ZBBX: variants seen among roughly 807,000 people sequenced by gnomAD.
The protein encoded by ZBBX is zinc finger B-box domain-containing protein 1.
ZBBX carries 101 observed loss-of-function variants against 108.5 expected under a neutral mutation model. The ratio of observed to expected loss-of-function variants is 0.93; its 90% CI spans 0.79 to 1.10. The LOEUF is 1.10. ZBBX is among the 50% of genes least tolerant of loss of function. ZBBX has a pLI of 0.00. For missense variants in ZBBX, 1,009 were observed against 941.4 expected (o/e 1.07, Z -0.94); for synonymous variants, 356 against 323.4 (o/e 1.10, Z -1.08).
At chr3:167,374,809 T>C (rs964448121) in intron 2 of ZBBX, among the ~76,000 whole-genome samples, 1 of 152,144 alleles carries the variant, frequency 6.6e-6, no homozygotes, top group African/African-American at 2.4e-5. Context: ...AGAATTCAGC[T>C]GGCTAGCATT....
chr3:167,282,541 G>C (rs373383892), intron 19 of ZBBX, 46 bp from the exon 20 acceptor site: 4 of 1,500,992 alleles, frequency 2.7e-6, no homozygotes, highest in Non-Finnish European at 3.6e-6. Context: ...TTAAAAATTT[G>C]AATGAGTACT....
At chr3:167,222,079 G>C in the ZBBX span, among the ~76,000 whole-genome samples, 13 of 151,832 alleles carry the variant, frequency 8.6e-5, no homozygotes, top group African/African-American at 3.1e-4. Context: ...AAGGAAATCA[G>C]TATATTCAAG....
upstream of ZBBX, among the ~76,000 whole-genome samples, chr3:167,385,206 T>C (rs1747874133): frequency 6.6e-6 from 1 of 152,036 alleles, no homozygotes; most frequent in South Asian, 2.1e-4. Context: ...CTAGGCTATT[T>C]GGTATAGCCT....
chr3:167,357,626 T>C (rs13069683), intron 8 of ZBBX, among the ~76,000 whole-genome samples: 58,877 of 152,026 alleles, frequency 0.39, 11,818 homozygotes, highest in Non-Finnish European at 0.45. Flanking sequence ...AATGGATGAA[T>C]AGTTAAACAA....
chr3:167,327,804 C>A, intron 11 of ZBBX, 138 bp downstream of exon 11: 1 of 859,720 alleles, frequency 1.2e-6, no homozygotes, highest in Non-Finnish European at 1.7e-6. Context: ...ATCCCAGCTA[C>A]TCAGAAGGCT....
chr3:167,221,305 G>C, the ZBBX span, among the ~76,000 whole-genome samples: 5 of 151,782 alleles, frequency 3.3e-5, no homozygotes, highest in Admixed American at 3.3e-4. Context: ...CATGGTAATG[G>C]CATAGAAACA....
chr3:167,311,375 C>T (rs1171397818), intron 16 of ZBBX, among the ~76,000 whole-genome samples: 2 of 151,882 alleles, frequency 1.3e-5, no homozygotes, highest in Non-Finnish European at 2.9e-5. Context: ...TAGGATAAAA[C>T]ATAGATGACA....
At chr3:167,210,280 T>C in the ZBBX span, among the ~76,000 whole-genome samples, 1 of 151,724 alleles carries the variant, frequency 6.6e-6, no homozygotes, top group African/African-American at 2.4e-5. Context: ...TGCATCAGCA[T>C]CCCTCACCAG....
chr3:167,187,146 T>C, the ZBBX span, among the ~76,000 whole-genome samples: 4 of 152,270 alleles, frequency 2.6e-5, no homozygotes, highest in Admixed American at 1.3e-4. Context: ...TTGTTTAATT[T>C]CCCCTCTCCT....
At position 167,255,686 on chromosome 3, in the gene ZBBX, T is replaced by C. The variant is rs139601457; in HGVS notation, c.2255-13043A>G. Among the ~76,000 whole-genome samples the C allele has an allele frequency of 2.4e-3, 362 of 152,202 alleles. 2 individuals carry two copies. The highest frequency in any genetic ancestry group is 7.3e-3 in the African/African-American group (304 of 41,546). On this transcript the variant is annotated intron_variant, in intron 20 of 21. Transcript: ENST00000675490. Reference sequence around the variant, plus strand: ...ATTTTTAATTTTTGTGAGTACAAAGTAGGTATATATATTTATGGGGTACAT... The same window carrying C: ...ATTTTTAATTTTTGTGAGTACAAAGCAGGTATATATATTTATGGGGTACAT...
chr3:167,367,961 TATATATGTATATATATATATATATATAC>T (rs1264769472), intron 5 of ZBBX, among the ~76,000 whole-genome samples: 1 of 20,202 alleles, frequency 4.9e-5, no homozygotes, highest in Non-Finnish European at 1.1e-4. Flanking sequence ...ATTCTGATTA[TATATATGTATATATATATATATATATAC>T]ATATATATAT....
At chr3:167,342,970 A>T (rs555769620) in intron 9 of ZBBX, among the ~76,000 whole-genome samples, 1 of 151,986 alleles carries the variant, frequency 6.6e-6, no homozygotes, top group African/African-American at 2.4e-5. Context: ...ATAGAGCTGT[A>T]ATAAAAAAGA....
intron 20 of ZBBX, among the ~76,000 whole-genome samples, chr3:167,246,593 C>A (rs1317255068): frequency 6.6e-6 from 1 of 152,170 alleles, no homozygotes; most frequent in Non-Finnish European, 1.5e-5. Flanking sequence ...GTTGTGGGAA[C>A]TTAAAGACCA....
the ZBBX span, among the ~76,000 whole-genome samples, chr3:167,220,916 C>T: frequency 6.6e-6 from 1 of 151,664 alleles, no homozygotes; most frequent in Admixed American, 6.6e-5. Context: ...TTTCTGTATG[C>T]CAACAATGAA....
At chr3:167,189,709 C>G in the ZBBX span, among the ~76,000 whole-genome samples, 1 of 152,142 alleles carries the variant, frequency 6.6e-6, no homozygotes, top group East Asian at 1.9e-4. Context: ...TAACCCCATC[C>G]CAAGGGAATA....
At chr3:167,381,814 CA>C (rs1371630048), upstream of ZBBX, among the ~76,000 whole-genome samples, 1 of 152,000 alleles carries the variant, frequency 6.6e-6, no homozygotes, top group Non-Finnish European at 1.5e-5. Flanking sequence ...TTAACAGGAG[CA>C]GAAAGGCAAT....
intron 8 of ZBBX, among the ~76,000 whole-genome samples, chr3:167,352,471 G>A (rs996887757): frequency 6.6e-6 from 1 of 151,918 alleles, no homozygotes; most frequent in Non-Finnish European, 1.5e-5. Context: ...TATGAGTAGT[G>A]ACGTTGTATC....
At chr3:167,269,941 A>G (rs1726232596) in intron 20 of ZBBX, among the ~76,000 whole-genome samples, 1 of 152,222 alleles carries the variant, frequency 6.6e-6, no homozygotes, top group East Asian at 1.9e-4. Context: ...CAGTCAGGGT[A>G]AAAACAACAG....
the ZBBX span, among the ~76,000 whole-genome samples, chr3:167,209,357 AC>A: frequency 6.6e-6 from 1 of 151,726 alleles, no homozygotes; most frequent in Non-Finnish European, 1.5e-5. Context: ...TACTTGTGTC[AC>A]CCCCCTCCTC....
Sources: allele counts gnomAD v4.1 joint callset (sites outside exome capture counted in the v4.1 genomes callset), GRCh38; gene constraint gnomAD v4.1.1; transcripts MANE v1.5; gene names NCBI Gene and HGNC (gene_info 2026-07-23, HGNC 2026-07-21).